Variants in LNX1 observed in about 807,000 individuals in gnomAD.
LNX1 encodes E3 ubiquitin-protein ligase LNX.
In LNX1, 54 loss-of-function variants were observed where a neutral mutation model predicts 68.4. The observed-to-expected ratio is 0.79, with a 90% CI of 0.63 to 0.99. The LOEUF is 0.99. LNX1 is among the 50% of genes least tolerant of loss of function. The pLI is 0.00. For synonymous variants in LNX1, 336 were observed against 350.0 expected, an observed-to-expected ratio of 0.96 and a Z score of 0.45; for missense variants, 906 against 926.4, an observed-to-expected ratio of 0.98 and a Z score of 0.29.
At chr4:53,623,381 G>A (rs1733956615) in intron 1 of LNX1, among the ~76,000 whole-genome samples, 1 of 151,874 alleles carries the variant, frequency 6.6e-6, no homozygotes, top group Non-Finnish European at 1.5e-5. Context: ...ACAGGTGGAT[G>A]CTACCATGCC....
intron 2 of LNX1, among the ~76,000 whole-genome samples, chr4:53,534,815 A>G (rs1364198987): frequency 1.3e-5 from 2 of 152,226 alleles, no homozygotes; most frequent in Admixed American, 6.5e-5. Context: ...ATTTCTATTC[A>G]GCCATATACA....
intron 2 of LNX1, among the ~76,000 whole-genome samples, chr4:53,519,686 C>A (rs1459242616): frequency 6.6e-6 from 1 of 151,902 alleles, no homozygotes; most frequent in East Asian, 1.9e-4. Context: ...CGCGCACATG[C>A]ACACACACAC....
At chr4:53,646,338 T>G (rs1734881806) in intron 1 of LNX1, among the ~76,000 whole-genome samples, 1 of 152,236 alleles carries the variant, frequency 6.6e-6, no homozygotes, top group Non-Finnish European at 1.5e-5. Flanking sequence ...CTGGCCACTC[T>G]GCTAAACTAA....
intron 2 of LNX1, among the ~76,000 whole-genome samples, chr4:53,557,445 A>C (rs538514740): frequency 2.0e-4 from 30 of 152,240 alleles, no homozygotes; most frequent in Non-Finnish European, 4.0e-4. Flanking sequence ...CTGATACTAT[A>C]CCTGTTTTCA....
chr4:53,544,384 A>G (rs924839679), intron 2 of LNX1, among the ~76,000 whole-genome samples: 4 of 152,098 alleles, frequency 2.6e-5, no homozygotes, highest in African/African-American at 7.2e-5. Context: ...TAGTAAAGAC[A>G]GGGTTTCACT....
chr4:53,609,963 T>C (rs956927805), intron 2 of LNX1, among the ~76,000 whole-genome samples: 36 of 151,632 alleles, frequency 2.4e-4, no homozygotes, highest in African/African-American at 8.5e-4. Context: ...GACACTGTTA[T>C]TGTTCACATT....
At chr4:53,614,892 A>G (rs1308615923) in intron 2 of LNX1, among the ~76,000 whole-genome samples, 3 of 152,200 alleles carry the variant, frequency 2.0e-5, no homozygotes, top group Admixed American at 2.0e-4. Flanking sequence ...GCCTGACCTC[A>G]GAATCTGGCT....
At chr4:53,517,248 G>A (rs1726856209) in intron 2 of LNX1, among the ~76,000 whole-genome samples, 1 of 152,054 alleles carries the variant, frequency 6.6e-6, no homozygotes, top group Non-Finnish European at 1.5e-5. Flanking sequence ...TAATAGTTAT[G>A]GGCCACCTTG....
chr4:53,624,025 C>T lies in LNX1; in HGVS notation c.-215+28143G>A, dbSNP rs185167600. ...ATGCTGGGTTTTCATGTAACCCAAG[C>T]TCTTAACTCCATCCTTTTGCTTGCC... On this transcript the variant is annotated intron_variant, in intron 1 of 2. Transcript: ENST00000507168. 3.9e-3 allele frequency among the ~76,000 whole-genome samples: 588 copies of T among 152,238 alleles called. 2 individuals are homozygous for T. Among genetic ancestry groups the T allele is most frequent in the Non-Finnish European group, 7.0e-3 (478 of 68,012 alleles).
intron 9 of LNX1, among the ~76,000 whole-genome samples, chr4:53,475,975 T>C (rs902505769): frequency 3.9e-5 from 6 of 152,162 alleles, no homozygotes; most frequent in African/African-American, 1.4e-4. Flanking sequence ...CTCTGGGGCA[T>C]TGTTTTATGT....
At chr4:53,469,895 C>T (rs186463563) in intron 9 of LNX1, among the ~76,000 whole-genome samples, 4,438 of 152,220 alleles carry the variant, frequency 0.029, 104 homozygotes, top group Non-Finnish European at 0.043. Context: ...GATTCACAGC[C>T]GAATTCTACC....
chr4:53,579,259 A>G (rs898384106), intron 1 of LNX1: 1 of 984,830 alleles, frequency 1.0e-6, no homozygotes, highest in African/African-American at 1.7e-5. Flanking sequence ...ACGTACGTGT[A>G]TGATGGGTAC....
intron 2 of LNX1, among the ~76,000 whole-genome samples, chr4:53,566,463 C>A (rs1487464160): frequency 2.0e-5 from 3 of 151,652 alleles, no homozygotes; most frequent in Admixed American, 1.3e-4. Flanking sequence ...GATTTTGTCA[C>A]CACCAGGCCT....
intron 2 of LNX1, among the ~76,000 whole-genome samples, chr4:53,561,722 C>T (rs944934614): frequency 2.6e-5 from 4 of 152,174 alleles, no homozygotes; most frequent in Non-Finnish European, 4.4e-5. Flanking sequence ...CCACGTATGT[C>T]TTGGGCCAAT....
At chr4:53,512,368 C>T (rs1726411223) in intron 2 of LNX1, among the ~76,000 whole-genome samples, 1 of 35,874 alleles carries the variant, frequency 2.8e-5, no homozygotes, top group Non-Finnish European at 7.1e-5. Flanking sequence ...ACATTCTAAT[C>T]TCTGGTAATT....
intron 2 of LNX1, among the ~76,000 whole-genome samples, chr4:53,537,931 T>C (rs1160824443): frequency 2.0e-5 from 3 of 152,214 alleles, no homozygotes; most frequent in African/African-American, 7.2e-5. Context: ...TCTGTACCTC[T>C]CTGAGGACAG....
At chr4:53,485,990 G>A (rs904209310) in intron 6 of LNX1, among the ~76,000 whole-genome samples, 1 of 152,166 alleles carries the variant, frequency 6.6e-6, no homozygotes, top group Non-Finnish European at 1.5e-5. Flanking sequence ...TGCAATTTGG[G>A]CAAAAGGATG....
intron 2 of LNX1, among the ~76,000 whole-genome samples, chr4:53,545,866 G>T (rs1729081376): frequency 6.9e-6 from 1 of 145,504 alleles, no homozygotes; most frequent in Non-Finnish European, 1.5e-5. Flanking sequence ...GGAGTACAAT[G>T]GTGCTATCTC....
At chr4:53,574,284 C>A (rs79318513) in intron 1 of LNX1, among the ~76,000 whole-genome samples, 196 bp from the exon 2 acceptor site, 2 of 152,262 alleles carry the variant, frequency 1.3e-5, no homozygotes, top group South Asian at 2.1e-4. Flanking sequence ...TGTTTTTCCA[C>A]GCATGCCAGT....
Sources: gnomAD v4.1 joint callset for allele counts (sites outside exome capture counted in the v4.1 genomes callset) on GRCh38, gnomAD v4.1.1 for gene constraint, MANE v1.5 for transcripts, NCBI Gene and HGNC (gene_info 2026-07-23, HGNC 2026-07-21) for gene names.